CRYL1: variants seen among roughly 807,000 people sequenced by gnomAD.
CRYL1 encodes the protein crystallin lambda 1.
CRYL1 carries 29 observed loss-of-function variants against 36.6 expected under a neutral mutation model. The observed-to-expected ratio is 0.79, with a 90% confidence interval of 0.59 to 1.08. The LOEUF (loss-of-function observed/expected upper bound fraction) is 1.08, where lower values mean the gene tolerates loss of function less well. CRYL1 is among the 50% of genes least tolerant of loss of function. The probability of loss-of-function intolerance (pLI) is 0.00; values close to 1 mark genes in which losing one functional copy is unlikely to be tolerated. For synonymous variants in CRYL1, 152 were observed against 151.5 expected, an observed-to-expected ratio of 1.00 and a Z score of -0.02; for missense variants, 411 against 407.9, an observed-to-expected ratio of 1.01 and a Z score of -0.06.
intron 3 of CRYL1, among the ~76,000 whole-genome samples, chr13:20,462,453 A>ATTTTTTTTTTTTTTTTTTT (rs2032850980): frequency 6.7e-6 from 1 of 149,450 alleles, no homozygotes; most frequent in Non-Finnish European, 1.5e-5. Flanking sequence ...ACGGTATTTT[A>ATTTTTTTTTTTTTTTTTTT]ATTGACTTGC....
At chr13:20,469,989 G>A (rs978821178) in intron 3 of CRYL1, among the ~76,000 whole-genome samples, 1 of 152,208 alleles carries the variant, frequency 6.6e-6, no homozygotes, top group Non-Finnish European at 1.5e-5. Flanking sequence ...GACTAAGTTC[G>A]CTAATTTACG....
rs768012337 is a variant in CRYL1, at chr13:20,489,455, C to G, written c.191G>C (p.Gly64Ala). The G allele has an allele frequency of 3.7e-6, 6 of 1,613,394 alleles. No homozygotes were observed. In the African/African-American group the frequency reaches 5.3e-5, roughly 14 times the overall value. Residue 64 changes from glycine to alanine, a missense_variant, in exon 3 of 8, where the codon GGC becomes GCC. Transcript: ENST00000298248. Reference protein sequence around the residue: ...KLLEQAGSLKGSLSVEEQLSL... With the variant: ...KLLEQAGSLKASLSVEEQLSL... ...CAGCTGCTCTTCCACACTCAGGGAG[C>G]CTTTCAGAGAACCTGCCTGCTCCAG...
chr13:20,405,594 C>T (rs1174817620), intron 6 of CRYL1, among the ~76,000 whole-genome samples: 3 of 152,198 alleles, frequency 2.0e-5, no homozygotes, highest in African/African-American at 7.2e-5. Context: ...GGAGAGCTCA[C>T]GTTGGCTTGT....
intron 3 of CRYL1, among the ~76,000 whole-genome samples, chr13:20,476,293 T>C (rs1307844054): frequency 6.7e-6 from 1 of 148,368 alleles, no homozygotes. Flanking sequence ...AGGCAGAGGC[T>C]GCAGTGAGCC....
rs528121061 is a variant in CRYL1, at chr13:20,430,625, T to G, written c.633+1477A>C. ...GGCTCTTGCAATGGAGAGTTCTTTG[T>G]GTACACCTCCCACCCGATCCCCTTA... On this transcript the variant is annotated intron_variant, in intron 5 of 7. Coordinates refer to ENST00000298248, the MANE Select transcript of CRYL1 (RefSeq NM_015974.3). 3 of 985,362 alleles carry G rather than the reference T, an allele frequency of 3.0e-6. No individual in the cohort carries two copies. The South Asian group carries it at 1.4e-4, about 46-fold the overall frequency. 61.0% of individuals were successfully genotyped at this position (985,362 alleles called of 1,614,324 possible). A position where few individuals can be genotyped will look rare whatever the true frequency, so the allele number is the denominator to read the frequency against.
At chr13:20,430,512 C>A (rs907893674) in intron 5 of CRYL1, 15 of 985,286 alleles carry the variant, frequency 1.5e-5, no homozygotes, top group African/African-American at 3.5e-5. Context: ...GGGTGGACAT[C>A]GTGAGTCAGC....
chr13:20,418,575 G>A (rs892568490), intron 5 of CRYL1: 3 of 152,102 alleles, frequency 2.0e-5, no homozygotes, highest in African/African-American at 7.2e-5. Context: ...TTAATTTTCT[G>A]ATTCATGTAT....
At position 20,404,093 on chromosome 13, in the gene CRYL1, T is replaced by C; in HGVS notation, c.*36A>G. Reference sequence around the variant, plus strand: ...GCTTGCAGTGTTCCCAAATAGGGCCTCCAATGAGAGGAGTGGAAGCTGCAT... The same window carrying C: ...GCTTGCAGTGTTCCCAAATAGGGCCCCCAATGAGAGGAGTGGAAGCTGCAT... On this transcript the variant is annotated 3_prime_UTR_variant, in exon 8 of 8. Coordinates refer to ENST00000298248, the MANE Select transcript of CRYL1 (RefSeq NM_015974.3). 1 of 1,435,718 alleles carries C rather than the reference T, an allele frequency of 7.0e-7. No homozygotes were observed. Among genetic ancestry groups the C allele is most frequent in the Non-Finnish European group, 9.8e-7 (1 of 1,017,798 alleles). 88.9% of individuals were successfully genotyped at this position (1,435,718 alleles called of 1,614,324 possible). A position where few individuals can be genotyped will look rare whatever the true frequency, so the allele number is the denominator to read the frequency against.
At chr13:20,468,872 G>A (rs2032996636) in intron 3 of CRYL1, among the ~76,000 whole-genome samples, 2 of 152,134 alleles carry the variant, frequency 1.3e-5, no homozygotes, top group South Asian at 2.1e-4. Flanking sequence ...CTGCCAAAGC[G>A]CTGGGATTAC....
chr13:20,456,479 CAAA>C (rs71074301), intron 3 of CRYL1, among the ~76,000 whole-genome samples: 6 of 98,760 alleles, frequency 6.1e-5, no homozygotes, highest in Non-Finnish European at 8.1e-5. Context: ...CGTCTCAAAA[CAAA>C]AAAAAAAAAA....
intron 5 of CRYL1, among the ~76,000 whole-genome samples, chr13:20,428,022 G>T (rs373068259): frequency 6.6e-6 from 1 of 152,122 alleles, no homozygotes; most frequent in South Asian, 2.1e-4. Context: ...TAAATTCATC[G>T]TTAGAAAGCT....
At chr13:20,495,831 G>A (rs2033595670) in intron 2 of CRYL1, among the ~76,000 whole-genome samples, 1 of 152,316 alleles carries the variant, frequency 6.6e-6, no homozygotes, top group African/African-American at 2.4e-5. Context: ...CCTGTCATAT[G>A]TCATATGCCA....
intron 4 of CRYL1, among the ~76,000 whole-genome samples, chr13:20,437,120 CCA>C (rs541780450): frequency 2.6e-5 from 4 of 151,602 alleles, no homozygotes; most frequent in South Asian, 4.2e-4. Flanking sequence ...TTTGATGGCA[CCA>C]CTGCTCTCCA....
chr13:20,414,775 C>A (rs11147693), intron 5 of CRYL1, among the ~76,000 whole-genome samples: 1 of 152,170 alleles, frequency 6.6e-6, no homozygotes, highest in African/African-American at 2.4e-5. Flanking sequence ...TGGAGGCAGG[C>A]AAGCGCAGAT....
chr13:20,451,437 T>C (rs913540531), intron 3 of CRYL1, among the ~76,000 whole-genome samples: 16 of 151,916 alleles, frequency 1.1e-4, no homozygotes, highest in African/African-American at 1.7e-4. Flanking sequence ...ACTTAAACAA[T>C]TGAACAAGCA....
chr13:20,522,351 C>CAA (rs200023427), intron 1 of CRYL1, among the ~76,000 whole-genome samples: 1 of 140,076 alleles, frequency 7.1e-6, no homozygotes, highest in Non-Finnish European at 1.6e-5. Flanking sequence ...GAATCCGTCT[C>CAA]AAAAAAAAAA....
intron 3 of CRYL1, among the ~76,000 whole-genome samples, chr13:20,488,120 C>A (rs1438715865): frequency 6.6e-6 from 1 of 152,110 alleles, no homozygotes; most frequent in Non-Finnish European, 1.5e-5. Context: ...AAAAATAAAA[C>A]TAAATTCATG....
intron 3 of CRYL1, among the ~76,000 whole-genome samples, chr13:20,440,607 C>G (rs941398901): frequency 1.3e-5 from 2 of 152,204 alleles, no homozygotes; most frequent in African/African-American, 4.8e-5. Flanking sequence ...TTAAAAACAT[C>G]GGTAGCTATC....
chr13:20,448,864 C>T (rs1483776457), intron 3 of CRYL1, among the ~76,000 whole-genome samples: 2 of 152,152 alleles, frequency 1.3e-5, no homozygotes, highest in African/African-American at 2.4e-5. Context: ...AAAATTGGAT[C>T]TACACAAAGA....
Sources: gnomAD v4.1 joint callset for allele counts (sites outside exome capture counted in the v4.1 genomes callset) on GRCh38, gnomAD v4.1.1 for gene constraint, MANE v1.5 for transcripts, NCBI Gene and HGNC (gene_info 2026-07-23, HGNC 2026-07-21) for gene names.